ARFGAP2: variants seen among roughly 807,000 people sequenced by gnomAD.
The protein encoded by ARFGAP2 is ADP-ribosylation factor GTPase-activating protein 2.
Under a neutral mutation model 71.9 loss-of-function variants are expected in ARFGAP2, and 45 were observed. The observed-to-expected ratio is 0.63, with a 90% CI of 0.49 to 0.80. The LOEUF is 0.80. Among genes scored for constraint, ARFGAP2 ranks in the 30% least tolerant of loss-of-function variants. The pLI is 0.00. For missense variants in ARFGAP2, 633 were observed against 673.9 expected (o/e 0.94, Z 0.67); for synonymous variants, 248 against 249.2 (o/e 1.00, Z 0.05).
In ARFGAP2 at chr11:47,176,648, G is replaced by A. The variant is rs748575165; in HGVS notation, c.73-14C>T. 81 of 1,613,682 alleles carry A rather than the reference G, an allele frequency of 5.0e-5. No homozygotes were observed. The highest frequency in any genetic ancestry group is 1.3e-4 in the Admixed American group (8 of 60,004). ...GTCGAAACAGGCCTGGGTGGAGGCG[G>A]CGATGAGCGAATCGTCAGGGGCCCC... is the stretch of plus-strand genomic sequence containing the variant. On this transcript the variant is annotated splice_polypyrimidine_tract_variant and intron_variant, in intron 1 of 15. Transcript: ENST00000524782.
rs753997340 is a variant in ARFGAP2 at position 47,165,469 on chromosome 11, C to T, written c.*13G>A. ...TGCCGTCACCATCGTAAGCCTGAGT[C>T]ACAGAGCTCGGATCAGTAGGAACCG... On this transcript the variant is annotated 3_prime_UTR_variant, in exon 16 of 16. Coordinates refer to ENST00000524782, the MANE Select transcript of ARFGAP2 (RefSeq NM_032389.6). 2 of 1,568,296 alleles carry T rather than the reference C, an allele frequency of 1.3e-6. No individual in the cohort carries two copies. The highest frequency in any genetic ancestry group is 1.7e-6 in the Non-Finnish European group (2 of 1,156,362).
At chr11:47,176,279 G>T (rs1411889291) in intron 2 of ARFGAP2, 1 of 595,970 alleles carries the variant, frequency 1.7e-6, no homozygotes, top group Non-Finnish European at 3.0e-6. Context: ...AACGCTCAGA[G>T]TCTCAAGCCT....
In ARFGAP2 at chr11:47,169,019, T is replaced by TA. The variant is rs1039141611; in HGVS notation, c.942-769dup. Among the ~76,000 whole-genome samples, 515 of 137,796 alleles carry TA rather than the reference T, an allele frequency of 3.7e-3. 8 individuals are homozygous for TA. In the East Asian group the frequency reaches 0.045, roughly 12 times the overall value. The allele number at this position is 137,796 out of a possible 152,430, so 90.4% of individuals were successfully genotyped here. On this transcript the variant is annotated intron_variant, in intron 10 of 15. Transcript: ENST00000524782. Reference sequence around the variant, plus strand: ...AGTTCTTCATCATCCTACTCTTTATTAAAAAAAAAAAAAGCCAGGCACCGT... The same window carrying TA: ...AGTTCTTCATCATCCTACTCTTTATTAAAAAAAAAAAAAAGCCAGGCACCGT...
chr11:47,166,911 C>G, intron 12 of ARFGAP2, 25 bp from the exon 13 acceptor site: 5 of 1,606,884 alleles, frequency 3.1e-6, no homozygotes, highest in Non-Finnish European at 4.2e-6. Flanking sequence ...TGGAATATCT[C>G]GGACTCCTCC....
chr11:47,166,199 C>T (rs1298123829), intron 15 of ARFGAP2, 69 bp downstream of exon 15: 1 of 1,482,434 alleles, frequency 6.7e-7, no homozygotes, highest in Non-Finnish European at 9.4e-7. Flanking sequence ...TGAGCAGTAG[C>T]AGTGTCTCTA....
chr11:47,168,205 C>T lies in ARFGAP2; in HGVS notation c.988G>A (p.Glu330Lys). The change falls in exon 11 of 16, where the codon GAA becomes AAA. Residue 330 changes from glutamate (E) to lysine (K), a missense_variant. By Grantham distance (56) the Glu-to-Lys change is moderately conservative (BLOSUM62 1). Coordinates refer to ENST00000524782, the MANE Select transcript of ARFGAP2 (RefSeq NM_032389.6). ...VLSEMQVIEQ[E>K]TPVSAKSSRS... is the part of the protein sequence containing the mutation. ...GAGGATTTTGCACTCACTGGGGTTT[C>T]CTGCTCAATCACCTGCATCTCAGAC... The T allele has an allele frequency of 6.2e-7, 1 of 1,614,248 alleles. No homozygotes were observed.
intron 10 of ARFGAP2, 161 bp from the exon 11 acceptor site, chr11:47,168,412 T>C: frequency 1.1e-6 from 1 of 891,782 alleles, no homozygotes; most frequent in Non-Finnish European, 1.7e-6. Context: ...AACAGAAGGC[T>C]AGCTGTGTGT....
In ARFGAP2 at chr11:47,166,602, G is replaced by A. The variant is rs1952389576; in HGVS notation, c.1333-3C>T. 3 of 1,611,786 alleles carry A rather than the reference G, an allele frequency of 1.9e-6. No homozygotes were observed. The highest frequency in any genetic ancestry group is 4.5e-5 in the East Asian group (2 of 44,884). On this transcript the variant is annotated splice_polypyrimidine_tract_variant and splice_region_variant and intron_variant, in intron 13 of 15. Transcript: ENST00000524782. ...TGCAGCCGAGACCTGGCCTCATACT[G>A]TGGTGAGGAAAAGGCCAGGCCTGGG...
Position 47,165,414 on chromosome 11 carries a change from T to C in ARFGAP2, c.*68A>G. 1 of 1,531,496 alleles carries C rather than the reference T, an allele frequency of 6.5e-7. No individual in the cohort carries two copies. The highest frequency in any genetic ancestry group is 1.3e-5 in the South Asian group (1 of 79,788). 94.9% of individuals were successfully genotyped at this position (1,531,496 alleles called of 1,614,324 possible). A position where few individuals can be genotyped will look rare whatever the true frequency, so the allele number is the denominator to read the frequency against. On this transcript the variant is annotated 3_prime_UTR_variant, in exon 16 of 16. Transcript: ENST00000524782. ...TCCCCAGCTTCCACAAGGCAAAGCA[T>C]CCCCAGCCTGGGAACTGTGGAGTTC...
At chr11:47,175,781 C>T (rs1181428995) in intron 3 of ARFGAP2, 70 bp downstream of exon 3, 12 of 1,582,152 alleles carry the variant, frequency 7.6e-6, no homozygotes, top group Non-Finnish European at 1.0e-5. Context: ...GACAGGGCCT[C>T]TTAGGGAGTC....
intron 12 of ARFGAP2, 52 bp downstream of exon 12, chr11:47,167,857 A>C (rs1952443755): frequency 2.0e-6 from 3 of 1,502,558 alleles, no homozygotes; most frequent in Admixed American, 2.4e-5. Flanking sequence ...CTCTACCTTC[A>C]GCTTGTTTAA....
intron 5 of ARFGAP2, 163 bp from the exon 6 acceptor site, chr11:47,174,003 G>A (rs923394918): frequency 4.4e-6 from 6 of 1,375,546 alleles, no homozygotes; most frequent in Non-Finnish European, 4.9e-6. Context: ...CACTGTGGAA[G>A]AAAGCAGGAA....
intron 3 of ARFGAP2, 46 bp downstream of exon 3, chr11:47,175,805 A>T (rs1952787574): frequency 1.2e-6 from 2 of 1,611,210 alleles, no homozygotes; most frequent in South Asian, 2.2e-5. Flanking sequence ...CAAAGTTAGT[A>T]ACCAGGCAGA....
chr11:47,175,466 T>C, intron 3 of ARFGAP2, 153 bp from the exon 4 acceptor site: 2 of 1,261,398 alleles, frequency 1.6e-6, no homozygotes, highest in South Asian at 1.3e-5. Context: ...ATAAAGTTTC[T>C]CGAAATTCCT....
At position 47,171,413 on chromosome 11, in the gene ARFGAP2, A is replaced by C. The variant is rs1457151596; in HGVS notation, c.941+13T>G. 3 of 1,613,868 alleles carry C rather than the reference A, an allele frequency of 1.9e-6. No homozygotes were observed. The South Asian group carries it at 3.3e-5, about 18-fold the overall frequency. ...AACGGCATTTCCCTGCCACACCCGG[A>C]GCTGAGCCTCACCTTCGGGATACCA... On this transcript the variant is annotated intron_variant, in intron 10 of 15. Transcript: ENST00000524782.
rs1419824212 is a variant in ARFGAP2 at position 47,175,821 on chromosome 11, G to A, written c.264+30C>T. On this transcript the variant is annotated intron_variant, in intron 3 of 15. Coordinates refer to ENST00000524782, the MANE Select transcript of ARFGAP2 (RefSeq NM_032389.6). ...AAAGTTAGTAACCAGGCAGAAGAAT[G>A]GAAGGTGAGGGAAGTAGAAGGAGCT... 4.3e-6 allele frequency: 7 copies of A among 1,613,566 alleles called. No individual in the cohort carries two copies. The African/African-American group carries it at 6.7e-5, about 15-fold the overall frequency.
Position 47,174,011 on chromosome 11 carries a change from G to T in ARFGAP2, c.481-171C>A, listed in dbSNP as rs535217030. ...TGCTATTCACTGTGGAAGAAAGCAG[G>T]AAGACAAGCAGCCCCCACCCCAACC... is the stretch of plus-strand genomic sequence containing the variant. On this transcript the variant is annotated intron_variant, in intron 5 of 15. Transcript: ENST00000524782. 42 of 1,320,320 alleles carry T rather than the reference G, an allele frequency of 3.2e-5. No individual in the cohort carries two copies. In the African/African-American group the frequency reaches 5.7e-4, roughly 18 times the overall value. The allele number at this position is 1,320,320 out of a possible 1,614,324, so 81.8% of individuals were successfully genotyped here.
In ARFGAP2 at chr11:47,169,290, G is replaced by A. The variant is rs1952506295; in HGVS notation, c.942-1039C>T. ...GATCGCACCACTGCACTCCAGTCTG[G>A]GCAACAGAGCGAGGCTCCGTCTCAG... is the stretch of plus-strand genomic sequence containing the variant. On this transcript the variant is annotated intron_variant, in intron 10 of 15. Transcript: ENST00000524782. The A allele has an allele frequency of 1.3e-5, 2 of 151,858 alleles. 1 individual carries two copies. The highest frequency in any genetic ancestry group is 3.9e-4 in the East Asian group (2 of 5,154). 9.4% of individuals were successfully genotyped at this position (151,858 alleles called of 1,614,324 possible). A position where few individuals can be genotyped will look rare whatever the true frequency, so the allele number is the denominator to read the frequency against.
chr11:47,172,353 G>T lies in ARFGAP2; in HGVS notation c.620-20C>A, dbSNP rs774769081. 1 of 1,614,080 alleles carries T rather than the reference G, an allele frequency of 6.2e-7. No homozygotes were observed. Among genetic ancestry groups the T allele is most frequent in the East Asian group, 2.2e-5 (1 of 44,882 alleles). ...TCAGTTCTGCGTGAGAAACGGGTAG[G>T]CATGAGCTAAGACAAAGGCAGCTCA... On this transcript the variant is annotated intron_variant, in intron 7 of 15. Coordinates refer to ENST00000524782, the MANE Select transcript of ARFGAP2 (RefSeq NM_032389.6).
Sources: gnomAD v4.1 joint callset for allele counts (sites outside exome capture counted in the v4.1 genomes callset) on GRCh38, gnomAD v4.1.1 for gene constraint, MANE v1.5 for transcripts, NCBI Gene and HGNC (gene_info 2026-07-23, HGNC 2026-07-21) for gene names.